Variants in DNAJC1 observed in about 807,000 individuals in gnomAD.
The protein encoded by DNAJC1 is dnaJ homolog subfamily C member 1.
A neutral mutation model predicts 76.6 loss-of-function variants in DNAJC1; 58 were observed. The ratio of observed to expected loss-of-function variants is 0.76; its 90% CI spans 0.61 to 0.94. The LOEUF is 0.94. Among genes scored for constraint, DNAJC1 ranks in the 40% least tolerant of loss-of-function variants. The pLI, the probability that DNAJC1 is intolerant of heterozygous loss-of-function variation, is 0.00. For missense variants in DNAJC1, 689 were observed against 677.3 expected, an observed-to-expected ratio of 1.02 and a Z score of -0.19; for synonymous variants, 258 against 267.9, an observed-to-expected ratio of 0.96 and a Z score of 0.36.
intron 6 of DNAJC1, among the ~76,000 whole-genome samples, chr10:21,908,095 TATATATAATATATAAAATATATATATA>T (rs1564823874): frequency 4.7e-5 from 5 of 106,404 alleles, no homozygotes; most frequent in South Asian, 2.4e-4. Flanking sequence ...ATATATAAAA[TATATATAATATATAAAATATATATATA>T]ATATATAATA....
At position 21,776,147 on chromosome 10, in the gene DNAJC1, T is replaced by C. The variant is rs142658092; in HGVS notation, c.1099-9838A>G. Among the ~76,000 whole-genome samples the C allele has an allele frequency of 8.5e-5, 13 of 152,168 alleles. No individual in the cohort carries two copies. In the East Asian group the frequency reaches 2.5e-3, roughly 29 times the overall value. The stretch of plus-strand genomic sequence containing the variant: ...ACACTGTAGGTTGCATTCCCTCTAG[T>C]AAAAACACTGATGAAATTAACAGAA... On this transcript the variant is annotated intron_variant, in intron 9 of 11. Transcript: ENST00000376980.
chr10:21,992,949 A>T (rs1030714379), intron 1 of DNAJC1, among the ~76,000 whole-genome samples: 1 of 152,332 alleles, frequency 6.6e-6, no homozygotes, highest in South Asian at 2.1e-4. Context: ...AATGCTAATT[A>T]ATCAAAGACT....
intron 8 of DNAJC1, among the ~76,000 whole-genome samples, chr10:21,841,347 A>G (rs1338200811): frequency 1.3e-5 from 2 of 152,160 alleles, no homozygotes; most frequent in Non-Finnish European, 2.9e-5. Context: ...TTTGCAACCT[A>G]CTCATCTGAC....
chr10:21,813,206 CTCTCTCTCTCTCTCTATA>C lies in DNAJC1; in HGVS notation c.979-7125_979-7108del, dbSNP rs1254539595. ...TCTCTCTCTCTCTCTCTCTCTCTCT[CTCTCTCTCTCTCTCTATA>C]TATATATATATATATATATACACAT... On this transcript the variant is annotated intron_variant, in intron 8 of 11. Transcript: ENST00000376980. 2.9e-4 allele frequency among the ~76,000 whole-genome samples: 21 copies of C among 73,308 alleles called. No homozygotes were observed. The East Asian group carries it at 3.1e-3, about 11-fold the overall frequency. 48.1% of individuals were successfully genotyped at this position (73,308 alleles called of 152,430 possible).
At chr10:21,855,259 C>A (rs1160945470) in intron 8 of DNAJC1, among the ~76,000 whole-genome samples, 1 of 152,102 alleles carries the variant, frequency 6.6e-6, no homozygotes, top group Non-Finnish European at 1.5e-5. Context: ...TCACGATGAT[C>A]AAAAGAACTC....
rs746548638 is a variant in DNAJC1, at chr10:21,756,758, G to C, written c.1597-3C>G. 6.2e-7 allele frequency: 1 copy of C among 1,612,480 alleles called. No homozygotes were observed. The highest frequency in any genetic ancestry group is 8.5e-7 in the Non-Finnish European group (1 of 1,179,746). On this transcript the variant is annotated splice_region_variant and splice_polypyrimidine_tract_variant and intron_variant, in intron 11 of 11. Coordinates refer to ENST00000376980, the MANE Select transcript of DNAJC1 (RefSeq NM_022365.4). ...TTGTACCTAGCGATACAGTCTTCCT[G>C]TAGGAAGAAAAAAAGAGAGGTGAGA...
chr10:21,976,386 G>A (rs1007495968), intron 1 of DNAJC1, among the ~76,000 whole-genome samples: 3 of 152,140 alleles, frequency 2.0e-5, no homozygotes, highest in Non-Finnish European at 4.4e-5. Context: ...TTGTTCAGTC[G>A]TAAACTAAGG....
At chr10:21,860,610 C>T (rs1418722028) in intron 8 of DNAJC1, 1 of 153,126 alleles carries the variant, frequency 6.5e-6, no homozygotes, top group African/African-American at 2.4e-5. Flanking sequence ...AGGAGAATCA[C>T]TTGAACCCAG....
chr10:21,940,772 T>C (rs185164082), intron 1 of DNAJC1, among the ~76,000 whole-genome samples: 8 of 152,218 alleles, frequency 5.3e-5, no homozygotes, highest in Non-Finnish European at 1.2e-4. Context: ...ACTGGGGGAA[T>C]TGAGTTGGCA....
Position 21,997,858 on chromosome 10 carries a change from G to A in DNAJC1, c.222+5355C>T, listed in dbSNP as rs145142366. ...ATATAAGGATTTAGTTATAAAACAC[G>A]AGAGAAAGAGAATGAAGCACATTTT... is the stretch of plus-strand genomic sequence containing the variant. On this transcript the variant is annotated intron_variant, in intron 1 of 11. Transcript: ENST00000376980. Among the ~76,000 whole-genome samples, 5 of 152,266 alleles carry A rather than the reference G, an allele frequency of 3.3e-5. No homozygotes were observed. The East Asian group carries it at 5.8e-4, about 18-fold the overall frequency.
Position 22,001,572 on chromosome 10 carries a change from G to A in DNAJC1, c.222+1641C>T, listed in dbSNP as rs2131856623. 2.0e-5 allele frequency among the ~76,000 whole-genome samples: 3 copies of A among 152,244 alleles called. 1 individual carries two copies. The highest frequency in any genetic ancestry group is 2.0e-4 in the Admixed American group (3 of 15,304). ...GCCCAGAGAGTCAAGTGCTCTGGTT[G>A]TTCACACTGCCTAATTAACTATGCA... On this transcript the variant is annotated intron_variant, in intron 1 of 11. Transcript: ENST00000376980.
At chr10:21,906,482 T>C (rs1051759274) in intron 6 of DNAJC1, among the ~76,000 whole-genome samples, 3 of 151,988 alleles carry the variant, frequency 2.0e-5, no homozygotes, top group Non-Finnish European at 4.4e-5. Context: ...GTTTTAATAG[T>C]AGGGAAGAAG....
At chr10:21,894,825 G>T (rs1836514761) in intron 7 of DNAJC1, among the ~76,000 whole-genome samples, 1 of 152,146 alleles carries the variant, frequency 6.6e-6, no homozygotes, top group Non-Finnish European at 1.5e-5. Context: ...CACACAGCAT[G>T]CTGTCCCCTT....
At chr10:21,784,666 A>C (rs1167009483) in intron 9 of DNAJC1, among the ~76,000 whole-genome samples, 1 of 152,264 alleles carries the variant, frequency 6.6e-6, no homozygotes, top group Non-Finnish European at 1.5e-5. Context: ...TCCATCAATG[A>C]TAGACTGGAT....
intron 9 of DNAJC1, among the ~76,000 whole-genome samples, chr10:21,796,511 G>T (rs1199616753): frequency 1.3e-5 from 2 of 152,054 alleles, no homozygotes; most frequent in African/African-American, 4.8e-5. Flanking sequence ...ACTTTTGTAG[G>T]AATCTTCATA....
At chr10:21,950,756 G>A (rs189598794) in intron 1 of DNAJC1, among the ~76,000 whole-genome samples, 69 of 152,252 alleles carry the variant, frequency 4.5e-4, no homozygotes, top group Non-Finnish European at 4.3e-4. Flanking sequence ...ATGCTCATAC[G>A]GAGAAAGTGT....
At chr10:21,836,372 C>A in intron 8 of DNAJC1, among the ~76,000 whole-genome samples, 1 of 152,186 alleles carries the variant, frequency 6.6e-6, no homozygotes, top group Non-Finnish European at 1.5e-5. Flanking sequence ...CTGCAAAAAA[C>A]ATGCCAAACT....
chr10:21,844,417 G>A (rs1298101895), intron 8 of DNAJC1, among the ~76,000 whole-genome samples: 5 of 152,060 alleles, frequency 3.3e-5, no homozygotes, highest in Non-Finnish European at 5.9e-5. Context: ...CAATCTTACT[G>A]TCATTGGACA....
chr10:21,893,490 T>C (rs189099810), intron 7 of DNAJC1, among the ~76,000 whole-genome samples: 2 of 151,788 alleles, frequency 1.3e-5, no homozygotes, highest in Non-Finnish European at 2.9e-5. Context: ...TAGCCGGGCA[T>C]GGTGGCAAGT....
Sources: allele counts gnomAD v4.1 joint callset (sites outside exome capture counted in the v4.1 genomes callset), GRCh38; gene constraint gnomAD v4.1.1; transcripts MANE v1.5; gene names NCBI Gene and HGNC (gene_info 2026-07-23, HGNC 2026-07-21).